Variants in PDE4D observed in about 807,000 individuals in gnomAD.
PDE4D encodes the protein 3',5'-cyclic-AMP phosphodiesterase 4D.
In PDE4D, 24 loss-of-function variants were observed where a neutral mutation model predicts 87.4. The observed-to-expected ratio is 0.27, with a 90% confidence interval of 0.20 to 0.39. PDE4D has a LOEUF of 0.39. PDE4D is among the 10% of genes least tolerant of loss of function. The probability of loss-of-function intolerance (pLI) is 1.00; values close to 1 mark genes in which losing one functional copy is unlikely to be tolerated. For synonymous variants in PDE4D, 384 were observed against 383.2 expected, an observed-to-expected ratio of 1.00 and a Z score of -0.02; for missense variants, 714 against 1,041.0, an observed-to-expected ratio of 0.69 and a Z score of 4.32.
At position 59,862,692 on chromosome 5, in the gene PDE4D, C is replaced by T. The variant is rs893828775; in HGVS notation, c.455+30476G>A. ...GTGGTTAGCACATGCACACTAGAAT[C>T]AGCTACCTGAATTTGAATCCCAGCT... On this transcript the variant is annotated intron_variant, in intron 1 of 14. Coordinates refer to ENST00000340635, the MANE Select transcript of PDE4D (RefSeq NM_001104631.2). Among the ~76,000 whole-genome samples, 8 of 152,336 alleles carry T rather than the reference C, an allele frequency of 5.3e-5. No individual in the cohort carries two copies. In the South Asian group the frequency reaches 1.0e-3, roughly 20 times the overall value.
chr5:60,443,312 T>C (rs958227337), intron 1 of PDE4D, among the ~76,000 whole-genome samples: 6 of 152,098 alleles, frequency 3.9e-5, no homozygotes, highest in African/African-American at 7.2e-5. Flanking sequence ...AAAGTGAACG[T>C]TAAGGTATTC....
chr5:59,960,804 A>G (rs1205695796), intron 3 of PDE4D, among the ~76,000 whole-genome samples: 1 of 152,202 alleles, frequency 6.6e-6, no homozygotes, highest in Non-Finnish European at 1.5e-5. Flanking sequence ...GAACCTCAGC[A>G]TCATGCAATA....
intron 1 of PDE4D, among the ~76,000 whole-genome samples, chr5:60,290,589 AGCT>A (rs1376485214): frequency 6.6e-6 from 1 of 152,114 alleles, no homozygotes; most frequent in Admixed American, 6.5e-5. Context: ...AGATTGCTTG[AGCT>A]TAGGAGTTTG....
At chr5:60,519,439 G>A (rs193066639) in intron 1 of PDE4D, among the ~76,000 whole-genome samples, 1 of 152,304 alleles carries the variant, frequency 6.6e-6, no homozygotes, top group Non-Finnish European at 1.5e-5. Flanking sequence ...CCATTATAAT[G>A]AAAGAGTTAA....
intron 1 of PDE4D, among the ~76,000 whole-genome samples, chr5:60,339,177 A>G (rs2149892487): frequency 6.6e-6 from 1 of 152,118 alleles, no homozygotes. Context: ...CTCAGCATAT[A>G]ATTTTTGTTT....
At chr5:59,333,078 C>G (rs992926123) in intron 1 of PDE4D, among the ~76,000 whole-genome samples, 4 of 152,102 alleles carry the variant, frequency 2.6e-5, no homozygotes, top group African/African-American at 9.7e-5. Flanking sequence ...ACTGATATAC[C>G]AAGCATATCT....
chr5:60,053,986 T>C (rs1005574222), intron 2 of PDE4D, among the ~76,000 whole-genome samples: 1 of 152,212 alleles, frequency 6.6e-6, no homozygotes, highest in African/African-American at 2.4e-5. Context: ...CACAATGAGA[T>C]ACCATCTCAT....
chr5:59,951,753 C>T (rs1048951614), intron 3 of PDE4D, among the ~76,000 whole-genome samples: 1 of 152,152 alleles, frequency 6.6e-6, no homozygotes, highest in Non-Finnish European at 1.5e-5. Flanking sequence ...TATTCAGCAA[C>T]TTAATGTATT....
chr5:59,505,790 T>TA (rs1303955388), intron 1 of PDE4D, among the ~76,000 whole-genome samples: 1 of 152,202 alleles, frequency 6.6e-6, no homozygotes, highest in Non-Finnish European at 1.5e-5. Context: ...TGCTTCCTGA[T>TA]AATCTCTGAA....
rs1751033796 is a variant in PDE4D at position 60,521,400 on chromosome 5, G to C, written n.70+651C>G. 2.0e-5 allele frequency: 3 copies of C among 152,144 alleles called. No individual in the cohort carries two copies. The South Asian group carries it at 6.2e-4, about 32-fold the overall frequency. The allele number at this position is 152,144 out of a possible 1,614,324, so 9.4% of individuals were successfully genotyped here. A position where few individuals can be genotyped will look rare whatever the true frequency, so the allele number is the denominator to read the frequency against. ...TTCAATTGTCGATGTGATCGTTTCA[G>C]GCTTCCCAGCCTCTCCTTTCTGACA... On this transcript the variant is annotated intron_variant and non_coding_transcript_variant, in intron 1 of 2. Coordinates refer to the PDE4D transcript ENST00000506510.
At chr5:59,749,757 T>A (rs1246980222) in intron 1 of PDE4D, among the ~76,000 whole-genome samples, 2 of 152,148 alleles carry the variant, frequency 1.3e-5, no homozygotes, top group Admixed American at 6.5e-5. Context: ...ACCACCTACA[T>A]TTTAATAACT....
chr5:59,136,989 A>T (rs762278990), intron 5 of PDE4D, among the ~76,000 whole-genome samples: 1 of 152,194 alleles, frequency 6.6e-6, no homozygotes, highest in Non-Finnish European at 1.5e-5. Flanking sequence ...CATCCCAGGA[A>T]ATCCCTCAGT....
chr5:59,893,378 G>T lies in PDE4D; in HGVS notation c.245C>A (p.Pro82Gln). The change falls in exon 1 of 15, where the codon CCG (proline) becomes CAG (glutamine). Residue 82 changes from proline (P) to glutamine (Q), a missense_variant. By Grantham distance (76) the Pro-to-Gln change is moderately conservative (BLOSUM62 -1). This residue lies in a region of PDE4D where 268 missense variants were observed against 272.9 expected (regional missense o/e 0.98). Transcript: ENST00000340635. Reference sequence around the variant, plus strand: ...AGCCCCGGGCGGCGGCGGGGGCGGCGGCAGGGGGGGCGGCGGCGGCGGCTG... The same window carrying T: ...AGCCCCGGGCGGCGGCGGGGGCGGCTGCAGGGGGGGCGGCGGCGGCGGCTG... ...PLQPPPPPPL[P>Q]PPPPPPGAAR... 1 of 1,249,092 alleles carries T rather than the reference G, an allele frequency of 8.0e-7. No individual in the cohort carries two copies. Among genetic ancestry groups the T allele is most frequent in the Non-Finnish European group, 1.0e-6 (1 of 997,258 alleles). The allele number at this position is 1,249,092 out of a possible 1,614,324, so 77.4% of individuals were successfully genotyped here.
At chr5:59,230,564 TTAAA>T (rs1754938809) in intron 1 of PDE4D, among the ~76,000 whole-genome samples, 1 of 152,210 alleles carries the variant, frequency 6.6e-6, no homozygotes, top group Admixed American at 6.5e-5. Flanking sequence ...GTTAAGTATG[TTAAA>T]TAAGTCTAGG....
Position 59,879,192 on chromosome 5 carries a change from G to A in PDE4D, c.455+13976C>T, listed in dbSNP as rs1274152402. Reference sequence around the variant, plus strand: ...TGGGATTACAGGCGTGAGCCACCGCGCCCGGCCCTACCAAAGTAAGTTTTA... The same window carrying A: ...TGGGATTACAGGCGTGAGCCACCGCACCCGGCCCTACCAAAGTAAGTTTTA... On this transcript the variant is annotated intron_variant, in intron 1 of 14. Coordinates refer to ENST00000340635, the MANE Select transcript of PDE4D (RefSeq NM_001104631.2). Among the ~76,000 whole-genome samples the A allele has an allele frequency of 2.0e-5, 3 of 152,060 alleles. No individual in the cohort carries two copies. In the East Asian group the frequency reaches 5.8e-4, roughly 29 times the overall value.
chr5:59,657,491 T>C (rs867741042), intron 1 of PDE4D, among the ~76,000 whole-genome samples: 1 of 152,164 alleles, frequency 6.6e-6, no homozygotes, highest in Non-Finnish European at 1.5e-5. Context: ...AAGTTTTAGA[T>C]AAAAAATAAA....
chr5:59,367,552 G>C (rs1783260328), intron 1 of PDE4D, among the ~76,000 whole-genome samples: 1 of 152,112 alleles, frequency 6.6e-6, no homozygotes, highest in African/African-American at 2.4e-5. Flanking sequence ...AAGGTCAAGA[G>C]TAAAGACTTT....
At chr5:60,520,500 C>T (rs1434123984) in intron 1 of PDE4D, among the ~76,000 whole-genome samples, 2 of 152,222 alleles carry the variant, frequency 1.3e-5, no homozygotes, top group Non-Finnish European at 1.5e-5. Flanking sequence ...CCCTCCCTGC[C>T]ACAATATTTG....
At chr5:59,387,683 G>C (rs1787366037) in intron 1 of PDE4D, among the ~76,000 whole-genome samples, 1 of 152,026 alleles carries the variant, frequency 6.6e-6, no homozygotes, top group East Asian at 1.9e-4. Context: ...AAATAAGAAT[G>C]TATATATTTA....
Sources: gnomAD v4.1 joint callset for allele counts (sites outside exome capture counted in the v4.1 genomes callset) on GRCh38, gnomAD v4.1.1 for gene constraint, gnomAD v4.1.1 regional missense constraint, MANE v1.5 for transcripts, NCBI Gene and HGNC (gene_info 2026-07-23, HGNC 2026-07-21) for gene names.